PDE4B: variants seen among roughly 807,000 people sequenced by gnomAD.
The protein encoded by PDE4B is phosphodiesterase 4B.
Under a neutral mutation model 82.2 loss-of-function variants are expected in PDE4B, and 20 were observed. The ratio of observed to expected loss-of-function variants is 0.24; its 90% CI spans 0.17 to 0.35. The LOEUF (loss-of-function observed/expected upper bound fraction) is 0.35, where lower values mean the gene tolerates loss of function less well. Ranked by LOEUF, PDE4B falls within the 10% of genes least tolerant of loss-of-function variation. The pLI, the probability that PDE4B is intolerant of heterozygous loss-of-function variation, is 1.00. For synonymous variants in PDE4B, 320 were observed against 318.9 expected (o/e 1.00, Z -0.04); for missense variants, 655 against 907.2 (o/e 0.72, Z 3.57).
At chr1:66,128,319 TG>T (rs1189818767) in intron 3 of PDE4B, among the ~76,000 whole-genome samples, 1 of 152,232 alleles carries the variant, frequency 6.6e-6, no homozygotes, top group African/African-American at 2.4e-5. Context: ...ATTTTATTTT[TG>T]TTCCCTGAAA....
chr1:66,187,467 C>G (rs1220492533), intron 3 of PDE4B, among the ~76,000 whole-genome samples: 1 of 152,124 alleles, frequency 6.6e-6, no homozygotes, highest in African/African-American at 2.4e-5. Context: ...TGGTCCTGGA[C>G]TCTTTTTGGT....
intron 3 of PDE4B, among the ~76,000 whole-genome samples, chr1:66,039,710 C>T (rs1442371285): frequency 6.6e-6 from 1 of 151,936 alleles, no homozygotes; most frequent in Non-Finnish European, 1.5e-5. Context: ...GTCACTGAGC[C>T]TCAGTTTCTG....
intron 8 of PDE4B, among the ~76,000 whole-genome samples, chr1:66,348,550 A>T (rs55796632): frequency 0.015 from 2,313 of 152,148 alleles, 47 homozygotes; most frequent in East Asian, 0.063. Flanking sequence ...GAAAAGTTTA[A>T]ATTATCTAAA....
intron 1 of PDE4B, among the ~76,000 whole-genome samples, chr1:65,796,352 A>T (rs1645631443): frequency 6.6e-6 from 1 of 152,128 alleles, no homozygotes; most frequent in South Asian, 2.1e-4. Flanking sequence ...GACTCTGATG[A>T]TATGAAAGTT....
At chr1:65,837,539 T>C (rs142056672) in intron 1 of PDE4B, among the ~76,000 whole-genome samples, 4,231 of 152,050 alleles carry the variant, frequency 0.028, 218 homozygotes, top group African/African-American at 0.094. Context: ...ACCTGGGAGG[T>C]GGAGGTTGCC....
At chr1:66,360,204 C>G (rs1382458596) in intron 9 of PDE4B, among the ~76,000 whole-genome samples, 1 of 152,162 alleles carries the variant, frequency 6.6e-6, no homozygotes, top group Non-Finnish European at 1.5e-5. Flanking sequence ...AAATTCCTTC[C>G]TAAGCAAAAG....
intron 3 of PDE4B, among the ~76,000 whole-genome samples, chr1:66,126,398 T>C (rs1645824099): frequency 6.6e-6 from 1 of 152,190 alleles, no homozygotes; most frequent in South Asian, 2.1e-4. Context: ...ACTATAGTAT[T>C]TACTCTATGT....
chr1:66,283,255 G>A (rs892439333), intron 7 of PDE4B, among the ~76,000 whole-genome samples: 3 of 151,996 alleles, frequency 2.0e-5, no homozygotes, highest in African/African-American at 7.3e-5. Flanking sequence ...TCCTCTTAGA[G>A]TTGTTTTAAG....
At chr1:66,323,156 G>C (rs1174614960) in intron 7 of PDE4B, among the ~76,000 whole-genome samples, 5 of 152,102 alleles carry the variant, frequency 3.3e-5, no homozygotes, top group African/African-American at 4.8e-5. Context: ...TAAAATACAA[G>C]ATCTTTGCAT....
intron 1 of PDE4B, among the ~76,000 whole-genome samples, chr1:65,794,182 G>C (rs575937978): frequency 2.0e-5 from 3 of 152,052 alleles, no homozygotes; most frequent in Non-Finnish European, 4.4e-5. Context: ...GAACAGAAAT[G>C]GTAACTCTAT....
chr1:66,262,335 C>T (rs1055376511), intron 6 of PDE4B, among the ~76,000 whole-genome samples: 3 of 152,202 alleles, frequency 2.0e-5, no homozygotes, highest in African/African-American at 7.2e-5. Flanking sequence ...ATGTTAGTTG[C>T]TGCCTGCTCT....
At chr1:66,333,356 A>G (rs1477664565) in intron 8 of PDE4B, among the ~76,000 whole-genome samples, 1 of 152,222 alleles carries the variant, frequency 6.6e-6, no homozygotes, top group Non-Finnish European at 1.5e-5. Flanking sequence ...TGGACTTAGA[A>G]TGCTAATTTA....
At chr1:65,963,717 G>A (rs1330748908) in intron 3 of PDE4B, among the ~76,000 whole-genome samples, 1 of 152,176 alleles carries the variant, frequency 6.6e-6, no homozygotes, top group South Asian at 2.1e-4. Flanking sequence ...TCTCCTTAGT[G>A]TGTTCACATT....
intron 1 of PDE4B, among the ~76,000 whole-genome samples, chr1:65,832,349 A>T (rs1337622120): frequency 6.6e-6 from 1 of 152,212 alleles, no homozygotes; most frequent in Non-Finnish European, 1.5e-5. Context: ...AGATAAAAAA[A>T]ATGATATGCC....
chr1:66,156,721 C>T (rs186911339), intron 3 of PDE4B, among the ~76,000 whole-genome samples: 1 of 152,242 alleles, frequency 6.6e-6, no homozygotes, highest in East Asian at 1.9e-4. Context: ...GGTTTTTGTT[C>T]CCACAACTTC....
chr1:66,129,471 A>C (rs1021103872), intron 3 of PDE4B, among the ~76,000 whole-genome samples: 3 of 151,260 alleles, frequency 2.0e-5, no homozygotes, highest in Admixed American at 6.6e-5. Context: ...TCCCGGCTAA[A>C]ACGGTGAAAC....
At chr1:66,020,794 A>C (rs1569998607) in intron 3 of PDE4B, among the ~76,000 whole-genome samples, 1 of 152,204 alleles carries the variant, frequency 6.6e-6, no homozygotes, top group East Asian at 1.9e-4. Flanking sequence ...ATGTGTCTTT[A>C]TAGCAGCATG....
At chr1:65,971,768 G>A (rs1199229997) in intron 3 of PDE4B, among the ~76,000 whole-genome samples, 3 of 152,136 alleles carry the variant, frequency 2.0e-5, no homozygotes, top group East Asian at 3.9e-4. Flanking sequence ...GAGGGAGAAT[G>A]ATTCATGCCA....
chr1:66,251,275 A>G (rs1011831377), intron 4 of PDE4B, among the ~76,000 whole-genome samples: 1 of 152,190 alleles, frequency 6.6e-6, no homozygotes, highest in African/African-American at 2.4e-5. Context: ...TTCTTGTTTT[A>G]ATGATGAGGA....
Sources: allele counts gnomAD v4.1 joint callset (sites outside exome capture counted in the v4.1 genomes callset), GRCh38; gene constraint gnomAD v4.1.1; transcripts MANE v1.5; gene names NCBI Gene and HGNC (gene_info 2026-07-23, HGNC 2026-07-21).